The following EYA4 variants were observed in gnomAD, a reference collection of about 807,000 sequenced individuals.
EYA4 encodes protein phosphatase EYA4.
In EYA4, 31 loss-of-function variants were observed where a neutral mutation model predicts 87.9. That is an observed-to-expected ratio of 0.35 (90% CI 0.27 to 0.48). The LOEUF is 0.48. Ranked by LOEUF, EYA4 falls within the 20% of genes least tolerant of loss-of-function variation. EYA4 has a pLI of 0.99. For synonymous variants in EYA4, 263 were observed against 270.6 expected (o/e 0.97, Z 0.28); for missense variants, 678 against 761.4 (o/e 0.89, Z 1.29).
intron 3 of EYA4, among the ~76,000 whole-genome samples, chr6:133,403,074 G>A (rs192442002): frequency 8.2e-4 from 125 of 152,182 alleles, no homozygotes; most frequent in African/African-American, 2.6e-3. Flanking sequence ...ACTTCCAGCA[G>A]CATCAAGTGC....
intron 2 of EYA4, among the ~76,000 whole-genome samples, chr6:133,298,790 C>A (rs757466865): frequency 1.3e-5 from 2 of 152,200 alleles, no homozygotes; most frequent in Non-Finnish European, 2.9e-5. Flanking sequence ...CCGTGTGAAA[C>A]TGCCACTATT....
intron 11 of EYA4, among the ~76,000 whole-genome samples, chr6:133,475,951 A>G (rs948488924): frequency 1.8e-4 from 27 of 152,162 alleles, no homozygotes; most frequent in African/African-American, 6.3e-4. Flanking sequence ...AAGTTCTTTC[A>G]GTGAATTCTT....
intron 1 of EYA4, chr6:133,248,870 TG>T (rs1447435720): frequency 1.8e-5 from 2 of 109,648 alleles, no homozygotes; most frequent in South Asian, 3.0e-4. Flanking sequence ...TGTTTTATTT[TG>T]TTTTTTTTTT....
At chr6:133,271,522 T>C (rs1445449700) in intron 1 of EYA4, among the ~76,000 whole-genome samples, 1 of 152,154 alleles carries the variant, frequency 6.6e-6, no homozygotes, top group East Asian at 1.9e-4. Context: ...TCTATTCCAG[T>C]GAGGACAAAC....
chr6:133,313,019 G>A (rs1780350322), intron 2 of EYA4, among the ~76,000 whole-genome samples: 2 of 152,022 alleles, frequency 1.3e-5, no homozygotes, highest in Non-Finnish European at 2.9e-5. Context: ...GATCTTTTAA[G>A]ATTATATTTT....
intron 13 of EYA4, among the ~76,000 whole-genome samples, chr6:133,492,509 G>C (rs1422935596): frequency 6.6e-6 from 1 of 152,068 alleles, no homozygotes. Flanking sequence ...ACACAGAAGG[G>C]GGAAAAATTG....
At chr6:133,468,968 G>A (rs1795092111) in intron 11 of EYA4, among the ~76,000 whole-genome samples, 2 of 151,966 alleles carry the variant, frequency 1.3e-5, no homozygotes, top group East Asian at 1.9e-4. Context: ...ATATGAATAT[G>A]GAGCTTTTGC....
rs116725776 is a variant in EYA4, at chr6:133,362,570, C to T, written c.34-19822C>T. Among the ~76,000 whole-genome samples the T allele has an allele frequency of 3.6e-3, 541 of 152,172 alleles. 2 individuals carry two copies. Among genetic ancestry groups the T allele is most frequent in the African/African-American group, 0.012 (499 of 41,526 alleles). On this transcript the variant is annotated intron_variant, in intron 2 of 19. Coordinates refer to ENST00000355286, the MANE Select transcript of EYA4 (RefSeq NM_004100.5). ...GACTCCTTAAAAAAAATAGCTGCTG[C>T]GCAGGTCAAGCCCAAATCAGACAAA...
chr6:133,322,754 G>A (rs958913531), intron 2 of EYA4, among the ~76,000 whole-genome samples: 7 of 152,048 alleles, frequency 4.6e-5, no homozygotes, highest in Non-Finnish European at 8.8e-5. Context: ...TTGTAAATAA[G>A]CATATATGAG....
chr6:133,446,253 AT>A (rs1161346169), intron 3 of EYA4, among the ~76,000 whole-genome samples: 1 of 151,878 alleles, frequency 6.6e-6, no homozygotes, highest in Non-Finnish European at 1.5e-5. Context: ...CAGAATCTGC[AT>A]TTTTTCTTAC....
At chr6:133,423,292 A>G (rs532091814) in intron 3 of EYA4, among the ~76,000 whole-genome samples, 2 of 152,326 alleles carry the variant, frequency 1.3e-5, no homozygotes, top group African/African-American at 4.8e-5. Context: ...AATGGCACCT[A>G]TTAATGGAAA....
At chr6:133,479,103 T>A (rs889259979) in intron 11 of EYA4, among the ~76,000 whole-genome samples, 1 of 152,198 alleles carries the variant, frequency 6.6e-6, no homozygotes, top group African/African-American at 2.4e-5. Context: ...TAATCACCAT[T>A]TTATTTGAAA....
chr6:133,240,628 G>A (rs961667132), upstream of EYA4: 5 of 152,306 alleles, frequency 3.3e-5, no homozygotes, highest in Non-Finnish European at 7.3e-5. Context: ...CGTCTGGGAC[G>A]GATGCCTATA....
chr6:133,257,943 T>C (rs1302448013), intron 1 of EYA4, among the ~76,000 whole-genome samples: 1 of 152,260 alleles, frequency 6.6e-6, no homozygotes, highest in African/African-American at 2.4e-5. Flanking sequence ...GGTGTTTTTG[T>C]ATGATACAGT....
intron 11 of EYA4, among the ~76,000 whole-genome samples, chr6:133,469,157 G>A (rs1389832372): frequency 6.6e-6 from 1 of 152,028 alleles, no homozygotes; most frequent in Non-Finnish European, 1.5e-5. Flanking sequence ...ATCAGTGATA[G>A]GTAGTTTAAT....
At chr6:133,320,603 G>T (rs1562285715) in intron 2 of EYA4, among the ~76,000 whole-genome samples, 1 of 151,684 alleles carries the variant, frequency 6.6e-6, no homozygotes, top group Non-Finnish European at 1.5e-5. Context: ...GATGAGGTCT[G>T]GGCTTCCAGC....
chr6:133,331,411 C>T (rs920060491), intron 2 of EYA4, among the ~76,000 whole-genome samples: 1 of 152,108 alleles, frequency 6.6e-6, no homozygotes, highest in African/African-American at 2.4e-5. Context: ...TAGTGAATCC[C>T]TGTGTCATCA....
At chr6:133,291,881 C>T (rs1356514010) in intron 2 of EYA4, among the ~76,000 whole-genome samples, 1 of 152,118 alleles carries the variant, frequency 6.6e-6, no homozygotes, top group Non-Finnish European at 1.5e-5. Flanking sequence ...TTATGAACTT[C>T]TTATTTTCTT....
chr6:133,491,951 CAAA>C lies in EYA4; in HGVS notation c.1191+8854_1191+8856del, dbSNP rs34316449. Among the ~76,000 whole-genome samples the C allele has an allele frequency of 5.6e-4, 47 of 83,724 alleles. No individual in the cohort carries two copies. In the East Asian group the frequency reaches 9.6e-3, roughly 17 times the overall value. 54.9% of individuals were successfully genotyped at this position (83,724 alleles called of 152,430 possible). A position where few individuals can be genotyped will look rare whatever the true frequency, so the allele number is the denominator to read the frequency against. On this transcript the variant is annotated intron_variant, in intron 13 of 19. Transcript: ENST00000355286. ...TGGGGGACAGAGTGAAACTCCGTCT[CAAA>C]AAAAAAAAAAAAAAAAAGAGGAAGA... is the stretch of plus-strand genomic sequence containing the variant.
Sources: allele counts gnomAD v4.1 joint callset (sites outside exome capture counted in the v4.1 genomes callset), GRCh38; gene constraint gnomAD v4.1.1; transcripts MANE v1.5; gene names NCBI Gene and HGNC (gene_info 2026-07-23, HGNC 2026-07-21).